The following TTC7B variants were observed in gnomAD, a reference collection of about 807,000 sequenced individuals.
The protein encoded by TTC7B is tetratricopeptide repeat domain 7B.
Under a neutral mutation model 106.8 loss-of-function variants are expected in TTC7B, and 28 were observed. The ratio of observed to expected loss-of-function variants is 0.26; its 90% CI spans 0.19 to 0.36. The LOEUF is 0.36. TTC7B is among the 10% of genes least tolerant of loss of function. The probability of loss-of-function intolerance (pLI) is 1.00; values close to 1 mark genes in which losing one functional copy is unlikely to be tolerated. For synonymous variants in TTC7B, 405 were observed against 430.6 expected, an observed-to-expected ratio of 0.94 and a Z score of 0.74; for missense variants, 862 against 1,076.4, an observed-to-expected ratio of 0.80 and a Z score of 2.79.
intron 7 of TTC7B, among the ~76,000 whole-genome samples, chr14:90,687,885 G>T (rs1261953979): frequency 1.3e-5 from 2 of 152,212 alleles, no homozygotes; most frequent in Admixed American, 6.5e-5. Flanking sequence ...GAACAAGAAG[G>T]TGACAAGAGA....
At chr14:90,604,282 T>C (rs1892549963) in intron 17 of TTC7B, among the ~76,000 whole-genome samples, 1 of 152,242 alleles carries the variant, frequency 6.6e-6, no homozygotes, top group African/African-American at 2.4e-5. Context: ...AAGTTGGCAA[T>C]TGCCAGTAGG....
intron 7 of TTC7B, among the ~76,000 whole-genome samples, chr14:90,684,450 T>C (rs1887177791): frequency 6.6e-6 from 1 of 152,066 alleles, no homozygotes; most frequent in Non-Finnish European, 1.5e-5. Flanking sequence ...AGAAGCACTG[T>C]TCCTATTAGC....
At chr14:90,701,756 GTGTGTATATA>G (rs552300301) in intron 5 of TTC7B, among the ~76,000 whole-genome samples, 274 of 149,124 alleles carry the variant, frequency 1.8e-3, no homozygotes, top group Admixed American at 4.0e-3. Context: ...ATCTGTGTGT[GTGTGTATATA>G]TGTGTATATA....
At chr14:90,695,943 C>T (rs1595291874) in intron 5 of TTC7B, among the ~76,000 whole-genome samples, 1 of 152,006 alleles carries the variant, frequency 6.6e-6, no homozygotes, top group Non-Finnish European at 1.5e-5. Context: ...CACTGGGCAA[C>T]AGGGCACAGG....
Position 90,742,718 on chromosome 14 carries a change from A to T in TTC7B, c.576+2074T>A, listed in dbSNP as rs1025738916. Among the ~76,000 whole-genome samples the T allele has an allele frequency of 2.6e-5, 4 of 152,218 alleles. No homozygotes were observed. Among genetic ancestry groups the T allele is most frequent in the Non-Finnish European group, 5.9e-5 (4 of 68,038 alleles). On this transcript the variant is annotated intron_variant, in intron 4 of 19. Transcript: ENST00000328459. This position sits in a 1 kb window ranked among gnomAD's most constrained non-coding sequence, Gnocchi z 4.1. ...CATTTCCCCAAAATCAAAGAAAAGGATTTCTTTTAAATCCTACGACTATAC... is the reference window on the plus strand; with the variant it reads ...CATTTCCCCAAAATCAAAGAAAAGGTTTTCTTTTAAATCCTACGACTATAC...
At chr14:90,726,970 A>G (rs915529638) in intron 5 of TTC7B, among the ~76,000 whole-genome samples, 3 of 152,030 alleles carry the variant, frequency 2.0e-5, no homozygotes, top group African/African-American at 7.2e-5. Flanking sequence ...GATGACAACT[A>G]GCTGTTCTCT....
At chr14:90,562,392 C>T (rs945739765) in intron 19 of TTC7B, among the ~76,000 whole-genome samples, 1 of 152,226 alleles carries the variant, frequency 6.6e-6, no homozygotes, top group Admixed American at 6.5e-5. Context: ...CGTGTTATGA[C>T]AAGCTGAGTC....
intron 19 of TTC7B, among the ~76,000 whole-genome samples, chr14:90,560,522 T>C (rs1260404741): frequency 6.6e-6 from 1 of 152,220 alleles, no homozygotes; most frequent in African/African-American, 2.4e-5. Flanking sequence ...CTTTTCAGTG[T>C]TGAGGATTCA....
At chr14:90,748,938 A>T (rs1185975737) in intron 3 of TTC7B, among the ~76,000 whole-genome samples, 3 of 152,132 alleles carry the variant, frequency 2.0e-5, no homozygotes, top group Non-Finnish European at 4.4e-5. Context: ...GATTTCTTTC[A>T]GCTACTATCT....
intron 5 of TTC7B, among the ~76,000 whole-genome samples, chr14:90,701,118 G>T (rs977665639): frequency 1.3e-5 from 2 of 152,022 alleles, no homozygotes; most frequent in African/African-American, 4.8e-5. Context: ...CTTACCCATG[G>T]AGCAAGCCAG....
At position 90,577,033 on chromosome 14, in the gene TTC7B, A is replaced by G. The variant is rs539927665; in HGVS notation, c.2310+1073T>C. Among the ~76,000 whole-genome samples, 15 of 152,298 alleles carry G rather than the reference A, an allele frequency of 9.8e-5. No homozygotes were observed. The highest frequency in any genetic ancestry group is 3.6e-4 in the African/African-American group (15 of 41,560). On this transcript the variant is annotated intron_variant, in intron 19 of 19. Transcript: ENST00000328459. This position sits in a 1 kb window ranked among gnomAD's most constrained non-coding sequence, Gnocchi z 5.0. The stretch of plus-strand genomic sequence containing the variant: ...TCGCTGGGACCAGAACTGTGTCCTC[A>G]GACTCCCTGTCCAGTGCTCACTCTT...
intron 17 of TTC7B, among the ~76,000 whole-genome samples, chr14:90,597,415 T>A (rs540721347): frequency 9.2e-5 from 14 of 152,126 alleles, no homozygotes; most frequent in Admixed American, 5.2e-4. Flanking sequence ...CCCAGCACCG[T>A]GGGAGGCTGA....
At chr14:90,737,703 T>G (rs2139995834) in intron 4 of TTC7B, among the ~76,000 whole-genome samples, 2 of 152,108 alleles carry the variant, frequency 1.3e-5, no homozygotes, top group South Asian at 2.1e-4. Flanking sequence ...GGACTGCAGG[T>G]GCACACCACC....
intron 1 of TTC7B, among the ~76,000 whole-genome samples, chr14:90,812,612 C>T (rs958629509): frequency 2.0e-5 from 3 of 152,122 alleles, no homozygotes; most frequent in Middle Eastern, 3.2e-3. Flanking sequence ...CCTAGGCTTC[C>T]GGGGGACTGT....
At chr14:90,783,391 A>T (rs1212325043) in intron 2 of TTC7B, among the ~76,000 whole-genome samples, 9 of 152,232 alleles carry the variant, frequency 5.9e-5, no homozygotes, top group Non-Finnish European at 2.9e-5. Flanking sequence ...CATTCTTTAT[A>T]AGATGGAGGA....
At chr14:90,738,501 C>G (rs1208914680) in intron 4 of TTC7B, among the ~76,000 whole-genome samples, 1 of 151,704 alleles carries the variant, frequency 6.6e-6, no homozygotes, top group Non-Finnish European at 1.5e-5. Flanking sequence ...CCCAGCTACT[C>G]GAGGCTTAGG....
intron 16 of TTC7B, 108 bp from the exon 17 acceptor site, chr14:90,610,947 T>G: frequency 1.3e-6 from 1 of 797,654 alleles, no homozygotes; most frequent in Non-Finnish European, 2.2e-6. Context: ...TTCTGTGCAT[T>G]TTTTACGTTC....
At chr14:90,544,555 C>T (rs542310473) in intron 19 of TTC7B, among the ~76,000 whole-genome samples, 415 of 152,334 alleles carry the variant, frequency 2.7e-3, no homozygotes, top group African/African-American at 7.0e-3. Context: ...ATTCTCGCTT[C>T]CCAACCTCAA....
chr14:90,804,376 C>T (rs948856185), intron 1 of TTC7B, among the ~76,000 whole-genome samples: 1 of 152,020 alleles, frequency 6.6e-6, no homozygotes, highest in African/African-American at 2.4e-5. Context: ...GCTGAAGCCT[C>T]GAGGCTGCAG....
Sources: gnomAD v4.1 joint callset for allele counts (sites outside exome capture counted in the v4.1 genomes callset) on GRCh38, gnomAD v4.1.1 for gene constraint, Gnocchi (gnomAD v3.1) non-coding constraint, MANE v1.5 for transcripts, NCBI Gene and HGNC (gene_info 2026-07-23, HGNC 2026-07-21) for gene names.